Variants in ETV1 observed in about 807,000 individuals in gnomAD.
ETV1 encodes the protein ETS variant transcription factor 1, also known as ETS translocation variant 1.
In ETV1, 27 loss-of-function variants were observed where a neutral mutation model predicts 62.3. That is an observed-to-expected ratio of 0.43 (90% CI 0.32 to 0.60). The LOEUF (loss-of-function observed/expected upper bound fraction) is 0.60, where lower values mean the gene tolerates loss of function less well. ETV1 is among the 20% of genes least tolerant of loss of function. The pLI is 0.06. For missense variants in ETV1, 605 were observed against 605.8 expected, an observed-to-expected ratio of 1.00 and a Z score of 0.01; for synonymous variants, 222 against 199.6, an observed-to-expected ratio of 1.11 and a Z score of -0.94.
intron 6 of ETV1, among the ~76,000 whole-genome samples, chr7:13,959,263 A>G (rs1246710881): frequency 1.3e-5 from 2 of 152,146 alleles, no homozygotes; most frequent in Non-Finnish European, 2.9e-5. Flanking sequence ...TTGACATACC[A>G]CGGTTACCTG....
At chr7:13,903,762 C>CA (rs534972176) in intron 12 of ETV1, among the ~76,000 whole-genome samples, 1,793 of 92,792 alleles carry the variant, frequency 0.019, 29 homozygotes, top group African/African-American at 0.043. Flanking sequence ...GATTCCATCT[C>CA]AAAAAAAAAA....
chr7:13,897,952 A>G (rs540732605), intron 13 of ETV1, among the ~76,000 whole-genome samples: 2 of 152,338 alleles, frequency 1.3e-5, no homozygotes, highest in South Asian at 4.1e-4. Flanking sequence ...GCTACTGGCT[A>G]TACTTAAAAA....
intron 10 of ETV1, 123 bp downstream of exon 10, chr7:13,911,116 T>C (rs1045610425): frequency 1.5e-5 from 10 of 663,724 alleles, no homozygotes; most frequent in Non-Finnish European, 2.4e-5. Flanking sequence ...CTTAAAACAA[T>C]TGCTTAGGGA....
chr7:13,978,705 C>G (rs1001082958), intron 5 of ETV1, among the ~76,000 whole-genome samples: 70 of 151,764 alleles, frequency 4.6e-4, no homozygotes, highest in African/African-American at 1.6e-3. Context: ...AAAAGGAATT[C>G]TACATTTTAA....
intron 7 of ETV1, among the ~76,000 whole-genome samples, chr7:13,937,484 C>T (rs570790765): frequency 6.6e-6 from 1 of 152,250 alleles, no homozygotes; most frequent in Non-Finnish European, 1.5e-5. Flanking sequence ...TTTTCATCCC[C>T]CAAAAGAAAC....
chr7:13,904,798 T>C (rs1782790257), intron 12 of ETV1, among the ~76,000 whole-genome samples: 1 of 151,914 alleles, frequency 6.6e-6, no homozygotes, highest in East Asian at 1.9e-4. Context: ...GGCTTTCAAA[T>C]TACTTTGTTA....
intron 3 of ETV1, chr7:13,988,620 G>T: frequency 3.7e-6 from 4 of 1,095,800 alleles, no homozygotes; most frequent in Non-Finnish European, 4.7e-6. Context: ...GAGAAAATGA[G>T]AAAAAAAAAA....
chr7:13,978,262 A>G (rs1781646525), intron 5 of ETV1, among the ~76,000 whole-genome samples: 1 of 152,154 alleles, frequency 6.6e-6, no homozygotes, highest in African/African-American at 2.4e-5. Context: ...GACTTAATGC[A>G]TTTGGCAGCA....
At chr7:13,957,227 A>C (rs1013625686) in intron 6 of ETV1, among the ~76,000 whole-genome samples, 1 of 152,060 alleles carries the variant, frequency 6.6e-6, no homozygotes, top group Non-Finnish European at 1.5e-5. Context: ...CTGGGACTAC[A>C]GGCGGCCGCC....
intron 8 of ETV1, among the ~76,000 whole-genome samples, chr7:13,935,416 G>C (rs1368157133): frequency 6.6e-6 from 1 of 152,180 alleles, no homozygotes; most frequent in African/African-American, 2.4e-5. Context: ...TAAAGTTTAA[G>C]TGAAGCAATT....
intron 6 of ETV1, among the ~76,000 whole-genome samples, chr7:13,955,849 G>C (rs1325090942): frequency 6.6e-6 from 1 of 152,002 alleles, no homozygotes; most frequent in East Asian, 1.9e-4. Flanking sequence ...TTTTCTACAA[G>C]AACACATCTC....
chr7:13,913,035 T>C (rs555692688), intron 9 of ETV1, among the ~76,000 whole-genome samples: 2 of 152,326 alleles, frequency 1.3e-5, no homozygotes, highest in South Asian at 4.1e-4. Context: ...TTCTACCTTA[T>C]CTAATAAAAA....
At chr7:13,924,237 A>C (rs2128440476) in intron 9 of ETV1, among the ~76,000 whole-genome samples, 1 of 152,270 alleles carries the variant, frequency 6.6e-6, no homozygotes, top group South Asian at 2.1e-4. Context: ...AAGGGCATTA[A>C]GAAAGAAAGA....
chr7:13,910,857 T>A (rs1443928627), intron 10 of ETV1, among the ~76,000 whole-genome samples: 1 of 152,182 alleles, frequency 6.6e-6, no homozygotes, highest in African/African-American at 2.4e-5. Flanking sequence ...TGAAAACCTT[T>A]AAATCGATGG....
chr7:13,942,967 A>C (rs892726215), intron 6 of ETV1, among the ~76,000 whole-genome samples: 1 of 152,216 alleles, frequency 6.6e-6, no homozygotes, highest in African/African-American at 2.4e-5. Context: ...CCATAAAAGA[A>C]AAAATATCAG....
In ETV1 at chr7:13,971,730, G is replaced by A. The variant is rs571208153; in HGVS notation, c.235+5697C>T. 2.4e-4 allele frequency among the ~76,000 whole-genome samples: 37 copies of A among 152,292 alleles called. No homozygotes were observed. The East Asian group carries it at 7.0e-3, about 29-fold the overall frequency. The stretch of plus-strand genomic sequence containing the variant: ...AGAGAAAAGACTGAAATGAACTAAT[G>A]TAACCAAATGGAAACAAACTAGTTC... On this transcript the variant is annotated intron_variant, in intron 6 of 13. Coordinates refer to ENST00000430479, the MANE Select transcript of ETV1 (RefSeq NM_004956.5).
intron 9 of ETV1, among the ~76,000 whole-genome samples, chr7:13,920,470 T>G (rs890086980): frequency 8.1e-6 from 1 of 123,162 alleles, no homozygotes; most frequent in African/African-American, 3.0e-5. Flanking sequence ...GTGTGTGTGT[T>G]TCCTTTCAGT....
intron 3 of ETV1, 103 bp from the exon 4 acceptor site, chr7:13,988,276 C>A: frequency 2.8e-6 from 2 of 706,404 alleles, no homozygotes; most frequent in South Asian, 1.6e-5. Context: ...ATACATAAGT[C>A]TAATGGATCT....
intron 9 of ETV1, among the ~76,000 whole-genome samples, chr7:13,929,861 G>C (rs1437569046): frequency 3.9e-5 from 6 of 152,158 alleles, no homozygotes; most frequent in African/African-American, 7.2e-5. Flanking sequence ...ACCAGAGGGA[G>C]ACTTCTAAGT....
Sources: gnomAD v4.1 joint callset for allele counts (sites outside exome capture counted in the v4.1 genomes callset) on GRCh38, gnomAD v4.1.1 for gene constraint, MANE v1.5 for transcripts, NCBI Gene and HGNC (gene_info 2026-07-23, HGNC 2026-07-21) for gene names.